The following GARRE1 variants were observed in gnomAD, a reference collection of about 807,000 sequenced individuals.
GARRE1 encodes the protein granule associated Rac and RHOG effector 1.
Under a neutral mutation model 103.2 loss-of-function variants are expected in GARRE1, and 49 were observed. The observed-to-expected ratio is 0.47, with a 90% CI of 0.38 to 0.60. The LOEUF is 0.60. Among genes scored for constraint, GARRE1 ranks in the 20% least tolerant of loss-of-function variants. GARRE1 has a pLI of 0.00. For missense variants in GARRE1, 1,199 were observed against 1,370.5 expected (o/e 0.87, Z 1.98); for synonymous variants, 505 against 532.8 (o/e 0.95, Z 0.72).
chr19:34,279,898 T>C (rs1261835609), intron 1 of GARRE1, among the ~76,000 whole-genome samples: 4 of 140,056 alleles, frequency 2.9e-5, no homozygotes, highest in Admixed American at 7.6e-5. Context: ...GGCAGGAGAA[T>C]GGCGTGAACC....
chr19:34,274,623 G>C (rs1414486481), intron 1 of GARRE1, among the ~76,000 whole-genome samples: 1 of 152,164 alleles, frequency 6.6e-6, no homozygotes, highest in African/African-American at 2.4e-5. Flanking sequence ...CTGGAGCACA[G>C]GACAAAGATC....
chr19:34,283,881 G>A (rs961466945), intron 1 of GARRE1, among the ~76,000 whole-genome samples: 2 of 146,208 alleles, frequency 1.4e-5, no homozygotes, highest in Admixed American at 6.9e-5. Context: ...ACCCAGGCTG[G>A]AGTGCAGTGG....
At chr19:34,296,542 G>A (rs148979005) in intron 1 of GARRE1, 32,905 of 1,594,434 alleles carry the variant, frequency 0.021, 421 homozygotes, top group Non-Finnish European at 0.024. Context: ...GCCTCGGCAC[G>A]TGCACTCATG....
intron 1 of GARRE1, among the ~76,000 whole-genome samples, chr19:34,291,280 A>T (rs1249588197): frequency 6.6e-6 from 1 of 152,138 alleles, no homozygotes; most frequent in African/African-American, 2.4e-5. Flanking sequence ...AACCACGTGC[A>T]CACTTTTCTG....
chr19:34,319,306 G>C lies in GARRE1; in HGVS notation c.496-601G>C, dbSNP rs541730636. 2.0e-5 allele frequency among the ~76,000 whole-genome samples: 3 copies of C among 152,208 alleles called. No individual in the cohort carries two copies. The South Asian group carries it at 6.2e-4, about 32-fold the overall frequency. On this transcript the variant is annotated intron_variant, in intron 2 of 13. Coordinates refer to ENST00000299505, the MANE Select transcript of GARRE1 (RefSeq NM_014686.5). ...TATATCAGGTTAATGGGTTTCTACT[G>C]TACTCATGAGTGGAGCTGTCCATTA...
rs2074262239 is a variant in GARRE1, at chr19:34,354,735, A to G, written c.*1780A>G. ...ATGTATGTATGTAAACACACACACT[A>G]ATTTGAGAGGACCCGTAGGGTGTCT... On this transcript the variant is annotated 3_prime_UTR_variant, in exon 14 of 14. Transcript: ENST00000299505. 2 of 152,284 alleles carry G rather than the reference A, an allele frequency of 1.3e-5. No individual in the cohort carries two copies. Among genetic ancestry groups the G allele is most frequent in the South Asian group, 4.2e-4 (2 of 4,816 alleles). 9.4% of individuals were successfully genotyped at this position (152,284 alleles called of 1,614,324 possible).
intron 2 of GARRE1, among the ~76,000 whole-genome samples, chr19:34,310,911 A>G (rs539560345): frequency 4.5e-4 from 69 of 152,230 alleles, no homozygotes; most frequent in Admixed American, 5.2e-4. Flanking sequence ...CCCTGGGGAG[A>G]GTGAGGAGAT....
At chr19:34,260,159 A>G (rs2073707357) in intron 1 of GARRE1, among the ~76,000 whole-genome samples, 2 of 152,256 alleles carry the variant, frequency 1.3e-5, no homozygotes, top group African/African-American at 4.8e-5. Context: ...ACTCTGATCA[A>G]TTAGCAGCCA....
At chr19:34,333,608 C>A in intron 7 of GARRE1, 96 bp from the exon 8 acceptor site, 1 of 773,158 alleles carries the variant, frequency 1.3e-6, no homozygotes, top group South Asian at 1.6e-5. Context: ...GGGAATAGTT[C>A]TTAGAGAGTC....
Position 34,341,873 on chromosome 19 carries a change from C to A in GARRE1, c.1939C>A (p.Gln647Lys). 6.2e-7 allele frequency: 1 copy of A among 1,614,118 alleles called. No individual in the cohort carries two copies. The highest frequency in any genetic ancestry group is 8.5e-7 in the Non-Finnish European group (1 of 1,180,038). ...GMNLPTDQEM[Q>K]EVIDFLSGFN... ...GAACTTACCAACTGATCAGGAAATGCAAGAGGTGATAGATTTTCTCTCGGG... is the reference window on the plus strand; with the variant it reads ...GAACTTACCAACTGATCAGGAAATGAAAGAGGTGATAGATTTTCTCTCGGG... Residue 647 changes from glutamine to lysine, a missense_variant, in exon 10 of 14, where the codon CAA (glutamine) becomes AAA (lysine). Coordinates refer to ENST00000299505, the MANE Select transcript of GARRE1 (RefSeq NM_014686.5).
At chr19:34,334,406 G>A (rs2074151243) in intron 8 of GARRE1, among the ~76,000 whole-genome samples, 1 of 152,002 alleles carries the variant, frequency 6.6e-6, no homozygotes. Flanking sequence ...AATAGATTAA[G>A]AAAATGTAAT....
chr19:34,312,315 C>A (rs1450444210), intron 2 of GARRE1, among the ~76,000 whole-genome samples: 1 of 152,058 alleles, frequency 6.6e-6, no homozygotes, highest in Non-Finnish European at 1.5e-5. Context: ...ATAAATTTTG[C>A]CATTTTAACC....
At chr19:34,279,853 C>T (rs984916284) in intron 1 of GARRE1, among the ~76,000 whole-genome samples, 3 of 150,486 alleles carry the variant, frequency 2.0e-5, no homozygotes, top group East Asian at 1.9e-4. Context: ...GGCGTAGTGG[C>T]GGGCGCCTGT....
rs1039714500 is a variant in GARRE1 at position 34,282,151 on chromosome 19, G to GT, written c.-795-17519dup. Among the ~76,000 whole-genome samples, 11 of 150,428 alleles carry GT rather than the reference G, an allele frequency of 7.3e-5. No homozygotes were observed. In the South Asian group the frequency reaches 8.5e-4, roughly 12 times the overall value. On this transcript the variant is annotated intron_variant, in intron 1 of 13. Transcript: ENST00000299505. ...TTCCTTTATGATTTGTTTGCTTTTG[G>GT]TTTTTTTTTCTCCCCCCGAGATGGA...
At chr19:34,341,071 C>A (rs10402081) in intron 9 of GARRE1, among the ~76,000 whole-genome samples, 1 of 152,214 alleles carries the variant, frequency 6.6e-6, no homozygotes, top group African/African-American at 2.4e-5. Flanking sequence ...CATTGTCCCT[C>A]TGCTGCATTT....
At chr19:34,333,893 C>G (rs1466179900) in intron 8 of GARRE1, 92 bp downstream of exon 8, 3 of 816,674 alleles carry the variant, frequency 3.7e-6, no homozygotes, top group Non-Finnish European at 6.4e-6. Context: ...AATGCCCATG[C>G]TAGCTGACGC....
chr19:34,325,131 CTTTCCT>C (rs2074105715), intron 3 of GARRE1, among the ~76,000 whole-genome samples: 1 of 152,196 alleles, frequency 6.6e-6, no homozygotes, highest in Non-Finnish European at 1.5e-5. Flanking sequence ...ACCAACCTTT[CTTTCCT>C]CTTGGGTCAT....
intron 1 of GARRE1, among the ~76,000 whole-genome samples, chr19:34,298,413 C>CA (rs55665879): frequency 0.11 from 14,242 of 129,474 alleles, 1,103 homozygotes; most frequent in African/African-American, 0.23. Context: ...GACTCTGTCT[C>CA]AAAAAAAAAA....
intron 1 of GARRE1, among the ~76,000 whole-genome samples, chr19:34,287,538 GT>G (rs1416964207): frequency 6.6e-6 from 1 of 152,332 alleles, no homozygotes; most frequent in East Asian, 1.9e-4. Flanking sequence ...CTCAGTGAGT[GT>G]TATGACAACC....
Sources: allele counts gnomAD v4.1 joint callset (sites outside exome capture counted in the v4.1 genomes callset), GRCh38; gene constraint gnomAD v4.1.1; transcripts MANE v1.5; gene names NCBI Gene and HGNC (gene_info 2026-07-23, HGNC 2026-07-21).